Variants in TMEM131 observed in about 807,000 individuals in gnomAD.
TMEM131 encodes the protein 2610524E03Rik.
Under a neutral mutation model 211.6 loss-of-function variants are expected in TMEM131, and 66 were observed. The observed-to-expected ratio is 0.31, with a 90% CI of 0.26 to 0.38. TMEM131 has a LOEUF of 0.38. Ranked by LOEUF, TMEM131 falls within the 10% of genes least tolerant of loss-of-function variation. TMEM131 has a pLI of 1.00. For missense variants in TMEM131, 2,036 were observed against 2,299.3 expected (o/e 0.89, Z 2.34); for synonymous variants, 844 against 841.3 (o/e 1.00, Z -0.06).
intron 3 of TMEM131, 63 bp from the exon 4 acceptor site, chr2:97,888,183 TA>T (rs537959338): frequency 7.2e-7 from 1 of 1,381,926 alleles, no homozygotes; most frequent in Non-Finnish European, 1.0e-6. Context: ...CCCCAAACTC[TA>T]TTCAGACAGC....
At chr2:97,896,228 A>C (rs1231229692) in intron 3 of TMEM131, among the ~76,000 whole-genome samples, 1 of 150,580 alleles carries the variant, frequency 6.6e-6, no homozygotes, top group Non-Finnish European at 1.5e-5. Flanking sequence ...TGATCTGAGA[A>C]ACTGTTATGA....
intron 11 of TMEM131, among the ~76,000 whole-genome samples, chr2:97,819,203 CTT>C (rs1681993460): frequency 6.6e-6 from 1 of 152,154 alleles, no homozygotes; most frequent in Non-Finnish European, 1.5e-5. Flanking sequence ...GGCATTTTCT[CTT>C]TCTCTCTAGA....
At chr2:97,957,718 G>A (rs1483095129) in intron 1 of TMEM131, among the ~76,000 whole-genome samples, 1 of 152,138 alleles carries the variant, frequency 6.6e-6, no homozygotes, top group African/African-American at 2.4e-5. Flanking sequence ...AAAACATGCG[G>A]GAAAGCTTAT....
At chr2:97,869,406 G>GC (rs1414355901) in intron 4 of TMEM131, among the ~76,000 whole-genome samples, 3 of 152,208 alleles carry the variant, frequency 2.0e-5, no homozygotes, top group Non-Finnish European at 4.4e-5. Context: ...TCTGAGGCTG[G>GC]CCCTGCCCTT....
intron 1 of TMEM131, among the ~76,000 whole-genome samples, chr2:97,953,439 C>A (rs1678416601): frequency 6.6e-6 from 1 of 152,066 alleles, no homozygotes; most frequent in Admixed American, 6.5e-5. Context: ...TTACTAGAGA[C>A]AAAGACATTA....
intron 33 of TMEM131, among the ~76,000 whole-genome samples, chr2:97,771,580 C>G (rs755558095): frequency 6.6e-6 from 1 of 152,222 alleles, no homozygotes; most frequent in African/African-American, 2.4e-5. Context: ...CAGCAGCTCC[C>G]GTGCTGATGA....
intron 1 of TMEM131, among the ~76,000 whole-genome samples, chr2:97,966,118 A>G (rs1679044346): frequency 6.6e-6 from 1 of 151,770 alleles, no homozygotes; most frequent in African/African-American, 2.4e-5. Flanking sequence ...CATAAAACAA[A>G]TTTCTATCAT....
At chr2:97,981,058 A>AGTTT (rs1679772243) in intron 1 of TMEM131, among the ~76,000 whole-genome samples, 1 of 141,352 alleles carries the variant, frequency 7.1e-6, no homozygotes, top group African/African-American at 2.8e-5. Context: ...AAAAAAAAAA[A>AGTTT]AAAAAAAAAG....
At chr2:97,863,272 T>C (rs1005143852) in intron 4 of TMEM131, among the ~76,000 whole-genome samples, 20 of 152,140 alleles carry the variant, frequency 1.3e-4, no homozygotes, top group Admixed American at 6.5e-5. Flanking sequence ...GAAATGCTAA[T>C]GGGAGTTCTT....
intron 1 of TMEM131, among the ~76,000 whole-genome samples, chr2:97,984,637 G>T (rs1029847731): frequency 2.6e-5 from 4 of 151,640 alleles, no homozygotes; most frequent in African/African-American, 9.7e-5. Context: ...GAAATTAAAT[G>T]TGAGAACTTA....
At chr2:97,841,790 T>C in intron 7 of TMEM131, 25 bp downstream of exon 7, 1 of 1,549,146 alleles carries the variant, frequency 6.5e-7, no homozygotes, top group Non-Finnish European at 8.7e-7. Context: ...ATGAAGCTTA[T>C]TCAAAATTAC....
chr2:97,814,528 A>G, intron 13 of TMEM131, 140 bp from the exon 14 acceptor site: 1 of 881,262 alleles, frequency 1.1e-6, no homozygotes, highest in Non-Finnish European at 1.6e-6. Context: ...ATAATATTTT[A>G]GTGATTGACT....
chr2:97,945,965 C>A (rs1454748564), intron 1 of TMEM131, among the ~76,000 whole-genome samples: 1 of 152,050 alleles, frequency 6.6e-6, no homozygotes, highest in Non-Finnish European at 1.5e-5. Context: ...TTAAATGTGC[C>A]AAGAACATGC....
chr2:97,807,360 G>A (rs1681355287), intron 19 of TMEM131, among the ~76,000 whole-genome samples: 1 of 152,140 alleles, frequency 6.6e-6, no homozygotes. Flanking sequence ...GAATGGCTTG[G>A]TGCGTTCTGA....
intron 11 of TMEM131, among the ~76,000 whole-genome samples, chr2:97,821,196 G>A (rs1033613337): frequency 6.6e-6 from 1 of 152,138 alleles, no homozygotes; most frequent in African/African-American, 2.4e-5. Context: ...TCTGTGTCTA[G>A]CTAAAGGATT....
intron 40 of TMEM131, 71 bp from the exon 41 acceptor site, chr2:97,757,454 C>A: frequency 1.3e-6 from 2 of 1,494,180 alleles, no homozygotes; most frequent in Admixed American, 2.3e-5. Context: ...GGGGGTAAGG[C>A]TACAGAAAAG....
At chr2:97,765,138 G>A (rs1679094265) in intron 35 of TMEM131, 1 of 152,276 alleles carries the variant, frequency 6.6e-6, no homozygotes, top group Non-Finnish European at 1.5e-5. Context: ...AAGATTTGCT[G>A]AGTGAAGGAT....
intron 1 of TMEM131, among the ~76,000 whole-genome samples, chr2:97,989,518 C>T (rs1188356685): frequency 1.4e-5 from 2 of 139,530 alleles, no homozygotes; most frequent in East Asian, 1.9e-4. Flanking sequence ...TCCAGCTTTA[C>T]ATGAAGAAGT....
chr2:97,976,974 A>G (rs1016430689), intron 1 of TMEM131, among the ~76,000 whole-genome samples: 1 of 151,522 alleles, frequency 6.6e-6, no homozygotes, highest in Non-Finnish European at 1.5e-5. Flanking sequence ...AAAAAAAAAA[A>G]AAAAGAACTT....
Sources: gnomAD v4.1 joint callset for allele counts (sites outside exome capture counted in the v4.1 genomes callset) on GRCh38, gnomAD v4.1.1 for gene constraint, MANE v1.5 for transcripts, NCBI Gene and HGNC (gene_info 2026-07-23, HGNC 2026-07-21) for gene names.